Variants in SEL1L3 observed in about 807,000 individuals in gnomAD.
The protein encoded by SEL1L3 is SEL1L family member 3, also known as protein sel-1 homolog 3.
SEL1L3 carries 76 observed loss-of-function variants against 142.8 expected under a neutral mutation model. The ratio of observed to expected loss-of-function variants is 0.53; its 90% CI spans 0.44 to 0.64. SEL1L3 has a LOEUF of 0.64. Ranked by LOEUF, SEL1L3 falls within the 30% of genes least tolerant of loss-of-function variation. The pLI is 0.00. For missense variants in SEL1L3, 1,262 were observed against 1,381.7 expected, an observed-to-expected ratio of 0.91 and a Z score of 1.37; for synonymous variants, 504 against 519.6, an observed-to-expected ratio of 0.97 and a Z score of 0.41.
chr4:25,831,224 C>G (rs537449225), intron 5 of SEL1L3, among the ~76,000 whole-genome samples: 3 of 152,180 alleles, frequency 2.0e-5, no homozygotes, highest in African/African-American at 7.2e-5. Flanking sequence ...GTCTAAACTC[C>G]CTGATATCCA....
chr4:25,770,182 T>C (rs539015863), intron 17 of SEL1L3: 1 of 152,184 alleles, frequency 6.6e-6, no homozygotes, highest in African/African-American at 2.4e-5. Context: ...GTTGTCAGAA[T>C]GGGTGGGGGA....
At chr4:25,821,529 G>A (rs999296016) in intron 7 of SEL1L3, among the ~76,000 whole-genome samples, 5 of 152,230 alleles carry the variant, frequency 3.3e-5, no homozygotes, top group African/African-American at 4.8e-5. Flanking sequence ...TGCCCTTTTC[G>A]ATCCATACAA....
intron 6 of SEL1L3, among the ~76,000 whole-genome samples, 198 bp downstream of exon 6, chr4:25,829,900 G>A (rs1715327272): frequency 6.6e-6 from 1 of 152,046 alleles, no homozygotes; most frequent in African/African-American, 2.4e-5. Flanking sequence ...AGAAAAAAAG[G>A]TTGTGGGGGA....
intron 11 of SEL1L3, among the ~76,000 whole-genome samples, chr4:25,798,271 G>C (rs1162374906): frequency 1.3e-5 from 2 of 152,172 alleles, no homozygotes; most frequent in African/African-American, 4.8e-5. Context: ...AACATCTCTA[G>C]AATGGGCAGC....
At chr4:25,725,984 C>G in the SEL1L3 span, among the ~76,000 whole-genome samples, 1 of 152,178 alleles carries the variant, frequency 6.6e-6, no homozygotes, top group Admixed American at 6.5e-5. Context: ...ATCTTGTGAC[C>G]TCCTATCTCA....
Position 25,847,706 on chromosome 4 carries a change from C to T in SEL1L3, c.321G>A (p.Gln107=), listed in dbSNP as rs1302187413. 4 of 1,613,756 alleles carry T rather than the reference C, an allele frequency of 2.5e-6. No homozygotes were observed. The highest frequency in any genetic ancestry group is 3.4e-6 in the Non-Finnish European group (4 of 1,179,882). Residue 107 remains glutamine (Q), a synonymous_variant, in exon 2 of 24, where the codon CAG becomes CAA. Transcript: ENST00000399878. ...CTGCTTCCAAATTGACAACACAAGG[C>T]TGAGAGCATAAATACTCAACCGAGA... ...SEVSVEYLCS[Q]PCVVNLEAVV...
rs192203449 is a variant in SEL1L3, at chr4:25,787,461, C to T, written c.2217+763G>A. The stretch of plus-strand genomic sequence containing the variant: ...TCAGCCTCCCAGGTAGCTGGGATTA[C>T]AGGCACAGCCACCACACCTGGCTAA... On this transcript the variant is annotated intron_variant, in intron 13 of 23. Transcript: ENST00000399878. Among the ~76,000 whole-genome samples, 12 of 152,254 alleles carry T rather than the reference C, an allele frequency of 7.9e-5. No homozygotes were observed. The South Asian group carries it at 2.3e-3, about 29-fold the overall frequency.
At chr4:25,749,418 G>C (rs1436775150) in intron 23 of SEL1L3, among the ~76,000 whole-genome samples, 1 of 151,954 alleles carries the variant, frequency 6.6e-6, no homozygotes, top group African/African-American at 2.4e-5. Context: ...TGCATAATTA[G>C]CATTGCCACC....
chr4:25,830,238 T>A (rs1287008371), intron 5 of SEL1L3, 82 bp from the exon 6 acceptor site: 1 of 863,690 alleles, frequency 1.2e-6, no homozygotes, highest in South Asian at 1.5e-5. Flanking sequence ...AAATTACTCA[T>A]GATATGTGTT....
the SEL1L3 span, among the ~76,000 whole-genome samples, chr4:25,741,843 A>C: frequency 6.6e-6 from 1 of 151,166 alleles, no homozygotes; most frequent in East Asian, 1.9e-4. Context: ...TTTTTTTGAG[A>C]TATTGCCCAG....
At chr4:25,821,332 A>C (rs1241408507) in intron 7 of SEL1L3, among the ~76,000 whole-genome samples, 1 of 152,168 alleles carries the variant, frequency 6.6e-6, no homozygotes, top group Non-Finnish European at 1.5e-5. Context: ...TCTTTCAGGT[A>C]TCAGGTGGGG....
intron 17 of SEL1L3, among the ~76,000 whole-genome samples, chr4:25,769,807 C>T (rs1016686131): frequency 3.3e-5 from 5 of 152,090 alleles, no homozygotes; most frequent in African/African-American, 7.2e-5. Context: ...GGATGTGGCT[C>T]GTGTTTACTA....
At chr4:25,724,590 T>A in the SEL1L3 span, among the ~76,000 whole-genome samples, 12 of 150,376 alleles carry the variant, frequency 8.0e-5, no homozygotes, top group South Asian at 2.5e-3. Context: ...ATACAAAAAA[T>A]TAACTGGGTG....
At chr4:25,777,029 C>CA (rs1214231872) in intron 16 of SEL1L3, among the ~76,000 whole-genome samples, 3 of 150,990 alleles carry the variant, frequency 2.0e-5, no homozygotes, top group Non-Finnish European at 4.4e-5. Context: ...TTTAAAAATA[C>CA]AAAAAATAAA....
chr4:25,743,862 C>A (rs1325624817), downstream of SEL1L3, among the ~76,000 whole-genome samples: 1 of 152,098 alleles, frequency 6.6e-6, no homozygotes, highest in Non-Finnish European at 1.5e-5. Context: ...TCCCTCCTAC[C>A]CCACGTTGCC....
chr4:25,731,193 CT>C, the SEL1L3 span, among the ~76,000 whole-genome samples: 2 of 152,138 alleles, frequency 1.3e-5, no homozygotes, highest in East Asian at 3.9e-4. Context: ...TTGTTTAACA[CT>C]TGTGCTTTTA....
Position 25,818,169 on chromosome 4 carries a change from G to A in SEL1L3, c.1533C>T (p.Phe511=). The change falls in exon 9 of 24, where the codon TTC becomes TTT. Residue 511 remains phenylalanine (F), a synonymous_variant. Coordinates refer to ENST00000399878, the MANE Select transcript of SEL1L3 (RefSeq NM_015187.5). The part of the protein sequence containing the change: ...KELKDKHPSL[F]QALLEMDLLT... The stretch of plus-strand genomic sequence containing the variant: ...GCAGATCCATCTCCAGCAATGCCTG[G>A]AACAAGCTGGGGTGTTTGTCTTTCA... The A allele has an allele frequency of 3.1e-6, 5 of 1,611,212 alleles. No homozygotes were observed. Among genetic ancestry groups the A allele is most frequent in the Non-Finnish European group, 4.2e-6 (5 of 1,178,744 alleles).
At position 25,835,275 on chromosome 4, in the gene SEL1L3, G is replaced by T; in HGVS notation, c.782C>A (p.Thr261Lys). ...CCTCGGGAACTTCTTGACAATGCCT[G>T]TGTTTTCTCCACTGGAGGCATAAGG... ...GFPYASSGEN[T>K]GIVKKFPRFR... Residue 261 changes from threonine (T) to lysine (K), a missense_variant, in exon 3 of 24, where the codon ACA becomes AAA. Physicochemically the swap from Thr to Lys is moderately conservative, Grantham distance 78 (BLOSUM62 -1). Coordinates refer to ENST00000399878, the MANE Select transcript of SEL1L3 (RefSeq NM_015187.5). 1.2e-6 allele frequency: 2 copies of T among 1,614,000 alleles called. No individual in the cohort carries two copies. Among genetic ancestry groups the T allele is most frequent in the Non-Finnish European group, 1.7e-6 (2 of 1,179,884 alleles).
intron 6 of SEL1L3, among the ~76,000 whole-genome samples, chr4:25,828,138 C>A (rs550823875): frequency 6.6e-6 from 1 of 152,304 alleles, no homozygotes; most frequent in Non-Finnish European, 1.5e-5. Flanking sequence ...TGTTTCAATG[C>A]AGCTATTAAG....
Sources: allele counts gnomAD v4.1 joint callset (sites outside exome capture counted in the v4.1 genomes callset), GRCh38; gene constraint gnomAD v4.1.1; transcripts MANE v1.5; gene names NCBI Gene and HGNC (gene_info 2026-07-23, HGNC 2026-07-21).